Variants in ALPK2 observed in about 807,000 individuals in gnomAD.
ALPK2 encodes the protein alpha kinase 2.
Under a neutral mutation model 163.1 loss-of-function variants are expected in ALPK2, and 127 were observed. The observed-to-expected ratio is 0.78, with a 90% CI of 0.67 to 0.90. The LOEUF (loss-of-function observed/expected upper bound fraction) is 0.90, where lower values mean the gene tolerates loss of function less well. ALPK2 is among the 40% of genes least tolerant of loss of function. ALPK2 has a pLI of 0.00. For missense variants in ALPK2, 2,360 were observed against 2,589.6 expected, an observed-to-expected ratio of 0.91 and a Z score of 1.92; for synonymous variants, 953 against 959.1, an observed-to-expected ratio of 0.99 and a Z score of 0.12.
At chr18:58,534,613 T>C (rs915143446) in intron 5 of ALPK2, among the ~76,000 whole-genome samples, 2 of 152,246 alleles carry the variant, frequency 1.3e-5, no homozygotes, top group Middle Eastern at 3.4e-3. Flanking sequence ...TTGTTAGAAG[T>C]GCAAATTTCA....
chr18:58,578,733 G>GACACACAAACAC, intron 4 of ALPK2, 81 bp downstream of exon 4: 1 of 530,150 alleles, frequency 1.9e-6, no homozygotes, highest in Non-Finnish European at 3.1e-6. Context: ...TAAAGGAAGA[G>GACACACAAACAC]ACACACACAC....
intron 4 of ALPK2, chr18:58,538,626 G>A (rs1210961604): frequency 5.9e-6 from 1 of 169,220 alleles, no homozygotes; most frequent in Non-Finnish European, 1.3e-5. Flanking sequence ...GAAATAAACA[G>A]TACTTGCAAA....
rs2051661471 is a variant in ALPK2, at chr18:58,537,736, A to G, written c.2451T>C (p.Asp817=). 1 of 1,614,176 alleles carries G rather than the reference A, an allele frequency of 6.2e-7. No homozygotes were observed. Among genetic ancestry groups the G allele is most frequent in the Non-Finnish European group, 8.5e-7 (1 of 1,180,016 alleles). ...GTCTCCCAACAAGAGAATCTATGGT[A>G]TCAAAACACGTTCCTTGGTCACCAG... ...FEAGDQGTCF[D]TIDSLVGRPV... is the part of the protein sequence containing the mutation. Residue 817 remains aspartate, a synonymous_variant, in exon 5 of 13, where the codon GAT becomes GAC. Transcript: ENST00000361673.
intron 8 of ALPK2, among the ~76,000 whole-genome samples, chr18:58,517,967 A>G (rs1353983247): frequency 1.3e-5 from 2 of 152,136 alleles, no homozygotes; most frequent in East Asian, 3.8e-4. Flanking sequence ...GATTCTACAC[A>G]TGTTTGAGAT....
chr18:58,625,553 G>A (rs1267904461), intron 1 of ALPK2, among the ~76,000 whole-genome samples: 1 of 152,258 alleles, frequency 6.6e-6, no homozygotes, highest in Non-Finnish European at 1.5e-5. Flanking sequence ...TGGGGATGGA[G>A]CCCAGGAACC....
At chr18:58,492,162 C>CACACACACAA (rs35721259) in intron 12 of ALPK2, among the ~76,000 whole-genome samples, 3 of 148,898 alleles carry the variant, frequency 2.0e-5, no homozygotes, top group Non-Finnish European at 4.5e-5. Context: ...CACACACACA[C>CACACACACAA]AACACACAGA....
At chr18:58,621,027 C>T (rs747035240) in intron 1 of ALPK2, among the ~76,000 whole-genome samples, 4 of 151,816 alleles carry the variant, frequency 2.6e-5, no homozygotes, top group Non-Finnish European at 5.9e-5. Context: ...GTGTCGCATG[C>T]CTGTAGTCCC....
In ALPK2 at chr18:58,531,648, G is replaced by GAAAAA. The variant is rs34960653; in HGVS notation, c.5354-2415_5354-2411dup. On this transcript the variant is annotated intron_variant, in intron 5 of 12. Transcript: ENST00000361673. ...ACGAACAACTAGAAGGTGATAAGTT[G>GAAAAA]AAAAAAAAAAAAAAAAAAGGACGGG... Among the ~76,000 whole-genome samples the GAAAAA allele has an allele frequency of 3.9e-5, 4 of 103,588 alleles. 1 individual carries two copies. Among genetic ancestry groups the GAAAAA allele is most frequent in the East Asian group, 2.7e-4 (1 of 3,768 alleles). 68.0% of individuals were successfully genotyped at this position (103,588 alleles called of 152,430 possible).
Position 58,516,947 on chromosome 18 carries a change from A to G in ALPK2, c.5901T>C (p.Asn1967=), listed in dbSNP as rs768723574. 1.9e-6 allele frequency: 3 copies of G among 1,614,030 alleles called. No individual in the cohort carries two copies. The African/African-American group carries it at 4.0e-5, about 22-fold the overall frequency. Residue 1967 remains asparagine (N), a synonymous_variant, in exon 9 of 13, where the codon AAT becomes AAC. Coordinates refer to ENST00000361673, the MANE Select transcript of ALPK2 (RefSeq NM_052947.4). ...HNAIAYGTRN[N]DELIQRNYKL... is the part of the protein sequence containing the mutation. ...TGTAGTTCCTTTGGATGAGCTCATCATTATTTCTGGTCCCATAGGCAATGG... is the reference window on the plus strand; with the variant it reads ...TGTAGTTCCTTTGGATGAGCTCATCGTTATTTCTGGTCCCATAGGCAATGG...
Position 58,481,616 on chromosome 18 carries a change from C to G in ALPK2, c.*207G>C, listed in dbSNP as rs1568061744. 2 of 591,676 alleles carry G rather than the reference C, an allele frequency of 3.4e-6. No individual in the cohort carries two copies. The highest frequency in any genetic ancestry group is 6.1e-6 in the Non-Finnish European group (2 of 329,054). 36.7% of individuals were successfully genotyped at this position (591,676 alleles called of 1,614,324 possible). A position where few individuals can be genotyped will look rare whatever the true frequency, so the allele number is the denominator to read the frequency against. On this transcript the variant is annotated 3_prime_UTR_variant, in exon 13 of 13. Transcript: ENST00000361673. Reference sequence around the variant, plus strand: ...AGACCAATCGTTGATTCAATCTCCCCATAAACCTGGTCGCAAATCCTGTTC... The same window carrying G: ...AGACCAATCGTTGATTCAATCTCCCGATAAACCTGGTCGCAAATCCTGTTC...
chr18:58,580,872 G>A (rs2051955594), intron 3 of ALPK2: 2 of 222,214 alleles, frequency 9.0e-6, no homozygotes, highest in Admixed American at 5.2e-5. Flanking sequence ...TCTAAGAGGG[G>A]GAGAAACCCT....
At chr18:58,618,013 C>T (rs984673421) in intron 1 of ALPK2, among the ~76,000 whole-genome samples, 2 of 152,148 alleles carry the variant, frequency 1.3e-5, no homozygotes, top group African/African-American at 4.8e-5. Flanking sequence ...AATAGAATTA[C>T]CAGAGAGAAG....
chr18:58,580,645 A>G, intron 3 of ALPK2, 97 bp from the exon 4 acceptor site: 1 of 1,140,040 alleles, frequency 8.8e-7, no homozygotes, highest in East Asian at 2.4e-5. Flanking sequence ...CCATCATTTT[A>G]CTGCATGTTC....
chr18:58,538,163 T>C lies in ALPK2; in HGVS notation c.2024A>G (p.Glu675Gly). Residue 675 changes from glutamate (E) to glycine (G), a missense_variant, in exon 5 of 13, where the codon GAG (glutamate) becomes GGG (glycine). Coordinates refer to ENST00000361673, the MANE Select transcript of ALPK2 (RefSeq NM_052947.4). Reference sequence around the variant, plus strand: ...GAATGGGGACTCCTCCCCAGCAGGCTCTGAGAAAGCTGGCATCTGGCTGCA... The same window carrying C: ...GAATGGGGACTCCTCCCCAGCAGGCCCTGAGAAAGCTGGCATCTGGCTGCA... The part of the protein sequence containing the change: ...ISCSQMPAFS[E>G]PAGEESPFTG... The C allele has an allele frequency of 6.2e-7, 1 of 1,613,824 alleles. No homozygotes were observed.
intron 12 of ALPK2, among the ~76,000 whole-genome samples, chr18:58,490,764 A>C (rs771207282): frequency 7.2e-5 from 11 of 152,210 alleles, no homozygotes; most frequent in Non-Finnish European, 1.3e-4. Context: ...ACATTTGCAC[A>C]GTTTCTACTC....
chr18:58,500,572 T>C (rs570729045), intron 11 of ALPK2, among the ~76,000 whole-genome samples: 10 of 152,330 alleles, frequency 6.6e-5, no homozygotes, highest in African/African-American at 2.4e-4. Flanking sequence ...GAGTTGGAGA[T>C]AACAGTAATC....
At chr18:58,494,017 G>C (rs1276259107) in intron 12 of ALPK2, among the ~76,000 whole-genome samples, 1 of 152,136 alleles carries the variant, frequency 6.6e-6, no homozygotes, top group African/African-American at 2.4e-5. Context: ...GCCTCCCCGG[G>C]AACTCCCCGA....
intron 1 of ALPK2, among the ~76,000 whole-genome samples, chr18:58,624,310 C>T (rs2052217388): frequency 6.6e-6 from 1 of 152,186 alleles, no homozygotes; most frequent in African/African-American, 2.4e-5. Flanking sequence ...TAAAGCTGGC[C>T]TGATAAAACC....
At chr18:58,553,850 GTTTTTTTTTTTTTTTT>G (rs71173061) in intron 4 of ALPK2, among the ~76,000 whole-genome samples, 1 of 73,994 alleles carries the variant, frequency 1.4e-5, no homozygotes, top group Non-Finnish European at 2.3e-5. Flanking sequence ...TTTTTTTTTG[GTTTTTTTTTTTTTTTT>G]TTTTTTTTTT....
Sources: allele counts gnomAD v4.1 joint callset (sites outside exome capture counted in the v4.1 genomes callset), GRCh38; gene constraint gnomAD v4.1.1; transcripts MANE v1.5; gene names NCBI Gene and HGNC (gene_info 2026-07-23, HGNC 2026-07-21).